RIPPLY3: variants seen among roughly 807,000 people sequenced by gnomAD.
RIPPLY3 encodes the protein protein ripply3.
RIPPLY3 carries 8 observed loss-of-function variants against 11.9 expected under a neutral mutation model. The observed-to-expected ratio is 0.67, with a 90% CI of 0.40 to 1.21. RIPPLY3 has a LOEUF of 1.21. RIPPLY3 is among the 50% of genes most tolerant of loss of function. RIPPLY3 has a pLI of 0.01. For synonymous variants in RIPPLY3, 102 were observed against 99.0 expected, an observed-to-expected ratio of 1.03 and a Z score of -0.18; for missense variants, 271 against 246.0, an observed-to-expected ratio of 1.10 and a Z score of -0.68.
At chr21:37,006,355 G>A (rs544965024), upstream of RIPPLY3, 66 of 157,450 alleles carry the variant, frequency 4.2e-4, no homozygotes, top group Admixed American at 4.0e-3. The surrounding 1 kb of genome is among the most constrained non-coding windows in gnomAD (Gnocchi z 5.2). Flanking sequence ...GCCCGAGCTC[G>A]TGGCCCCAAT....
At chr21:37,006,638 T>TC (rs2146770538), upstream of RIPPLY3, 1 of 461,064 alleles carries the variant, frequency 2.2e-6, no homozygotes, top group Non-Finnish European at 3.4e-6. This position sits in a 1 kb window ranked among gnomAD's most constrained non-coding sequence, Gnocchi z 5.2. Flanking sequence ...TCCTGCCCCC[T>TC]CCCAGCGCTT....
chr21:37,017,818 G>T, intron 3 of RIPPLY3, 56 bp from the exon 4 acceptor site: 3 of 1,456,806 alleles, frequency 2.1e-6, no homozygotes, highest in Non-Finnish European at 2.8e-6. Flanking sequence ...CCCTCTAGAA[G>T]CAATTTAGGA....
rs1425126386 is a variant in RIPPLY3 at position 37,013,628 on chromosome 21, G to A, written c.239+10G>A. The A allele has an allele frequency of 1.4e-5, 23 of 1,603,782 alleles. No individual in the cohort carries two copies. Among genetic ancestry groups the A allele is most frequent in the East Asian group, 1.1e-4 (5 of 44,764 alleles). On this transcript the variant is annotated intron_variant, in intron 3 of 3. Transcript: ENST00000329553. ...TTCAGCATCCTGTAAGGTAATATAC[G>A]ACTTCACAATAAGTAATCTGTAATT...
intron 2 of RIPPLY3, among the ~76,000 whole-genome samples, chr21:37,010,532 G>A (rs898281399): frequency 2.0e-5 from 3 of 152,124 alleles, no homozygotes; most frequent in Admixed American, 6.6e-5. Flanking sequence ...CAAGCAGAGG[G>A]AAGGCCTCAA....
At position 37,017,979 on chromosome 21, in the gene RIPPLY3, G is replaced by A; in HGVS notation, c.345G>A (p.Glu115=). The change falls in exon 4 of 4, where the codon GAG becomes GAA. Residue 115 remains glutamate, a synonymous_variant. Coordinates refer to ENST00000329553, the MANE Select transcript of RIPPLY3 (RefSeq NM_018962.3). ...VQATIDFYDD[E]STESASEAEE... Reference sequence around the variant, plus strand: ...CCACGATTGACTTCTACGACGATGAGTCTACTGAGTCTGCTTCCGAAGCTG... The same window carrying A: ...CCACGATTGACTTCTACGACGATGAATCTACTGAGTCTGCTTCCGAAGCTG... 6.2e-7 allele frequency: 1 copy of A among 1,614,204 alleles called. No homozygotes were observed. Among genetic ancestry groups the A allele is most frequent in the Non-Finnish European group, 8.5e-7 (1 of 1,180,036 alleles).
chr21:37,016,643 G>A (rs189254303), intron 3 of RIPPLY3, among the ~76,000 whole-genome samples: 6 of 152,200 alleles, frequency 3.9e-5, no homozygotes, highest in African/African-American at 1.4e-4. Context: ...ACCAGCCTGG[G>A]CAATATGGCG....
intron 1 of RIPPLY3, among the ~76,000 whole-genome samples, chr21:37,007,400 C>CTTTTTTTTTTTTTTTTTTTTT (rs895853940): frequency 7.0e-5 from 6 of 86,296 alleles, no homozygotes; most frequent in African/African-American, 3.0e-4. Flanking sequence ...AAGATTCCCT[C>CTTTTTTTTTTTTTTTTTTTTT]TTTTTTTTTT....
intron 2 of RIPPLY3, among the ~76,000 whole-genome samples, chr21:37,008,555 C>T (rs2080709276): frequency 6.6e-6 from 1 of 151,962 alleles, no homozygotes; most frequent in African/African-American, 2.4e-5. Flanking sequence ...GTCAGGAGTT[C>T]GTGACCAGCC....
chr21:37,009,773 G>A (rs908783829), intron 2 of RIPPLY3, among the ~76,000 whole-genome samples: 1 of 152,228 alleles, frequency 6.6e-6, no homozygotes, highest in South Asian at 2.1e-4. Context: ...GCAGAGAAAT[G>A]TTAAACGTTA....
At chr21:37,009,213 T>C (rs972797811) in intron 2 of RIPPLY3, among the ~76,000 whole-genome samples, 1 of 150,626 alleles carries the variant, frequency 6.6e-6, no homozygotes, top group Admixed American at 6.7e-5. Context: ...TTTTAAAATA[T>C]AAATTGATGA....
At chr21:37,013,417 G>A (rs929084614) in intron 2 of RIPPLY3, 134 bp from the exon 3 acceptor site, 27 of 615,494 alleles carry the variant, frequency 4.4e-5, no homozygotes, top group South Asian at 2.9e-4. Context: ...TACTGATAAG[G>A]TGTCTAAACT....
chr21:37,017,260 C>G (rs2069588813), intron 3 of RIPPLY3, among the ~76,000 whole-genome samples: 1 of 150,468 alleles, frequency 6.6e-6, no homozygotes, highest in Non-Finnish European at 1.5e-5. Flanking sequence ...CCAAATTTTA[C>G]ATACTTAAGC....
intron 3 of RIPPLY3, among the ~76,000 whole-genome samples, chr21:37,015,825 C>T (rs906473644): frequency 6.6e-6 from 1 of 151,466 alleles, no homozygotes; most frequent in African/African-American, 2.4e-5. Context: ...GCTTCCATCT[C>T]GGCCTCTGGA....
chr21:37,015,800 C>A (rs1222722653), intron 3 of RIPPLY3, among the ~76,000 whole-genome samples: 1 of 151,942 alleles, frequency 6.6e-6, no homozygotes, highest in Non-Finnish European at 1.5e-5. Context: ...CTCACTGCAG[C>A]CTCCACCTCC....
chr21:37,006,642 A>G (rs1346423996), upstream of RIPPLY3: 3 of 483,486 alleles, frequency 6.2e-6, no homozygotes, highest in African/African-American at 2.0e-5. This position sits in a 1 kb window ranked among gnomAD's most constrained non-coding sequence, Gnocchi z 5.2. Flanking sequence ...GCCCCCTCCC[A>G]GCGCTTGCCC....
intron 3 of RIPPLY3, among the ~76,000 whole-genome samples, chr21:37,017,132 G>T (rs1466835306): frequency 4.2e-5 from 6 of 142,400 alleles, no homozygotes; most frequent in African/African-American, 1.3e-4. Flanking sequence ...CAGCCTGGGT[G>T]AGAGAGTAAG....
In RIPPLY3 at chr21:37,018,436, A is replaced by G. The variant is rs951190062; in HGVS notation, c.*229A>G. ...CATGCCTTTGAGAAAGGATTCTAGG[A>G]GAAAGAGAAGGTCTATGTCAACAGA... On this transcript the variant is annotated 3_prime_UTR_variant, in exon 4 of 4. Transcript: ENST00000329553. The G allele has an allele frequency of 1.8e-6, 1 of 559,058 alleles. No individual in the cohort carries two copies. Among genetic ancestry groups the G allele is most frequent in the Non-Finnish European group, 3.2e-6 (1 of 312,782 alleles). 34.6% of individuals were successfully genotyped at this position (559,058 alleles called of 1,614,324 possible).
At position 37,018,009 on chromosome 21, in the gene RIPPLY3, G is replaced by A. The variant is rs767276314; in HGVS notation, c.375G>A (p.Glu125=). The change falls in exon 4 of 4, where the codon GAG becomes GAA. Residue 125 remains glutamate, a synonymous_variant. Transcript: ENST00000329553. Reference sequence around the variant, plus strand: ...CTGAGTCTGCTTCCGAAGCTGAAGAGCCAGAGGAAGGACCCCCACCCCTCC... The same window carrying A: ...CTGAGTCTGCTTCCGAAGCTGAAGAACCAGAGGAAGGACCCCCACCCCTCC... ...ESTESASEAE[E]PEEGPPPLHL... 1 of 1,614,150 alleles carries A rather than the reference G, an allele frequency of 6.2e-7. No individual in the cohort carries two copies. Among genetic ancestry groups the A allele is most frequent in the East Asian group, 2.2e-5 (1 of 44,886 alleles).
intron 3 of RIPPLY3, among the ~76,000 whole-genome samples, chr21:37,014,153 C>T (rs991486235): frequency 6.6e-6 from 1 of 151,964 alleles, no homozygotes; most frequent in Non-Finnish European, 1.5e-5. Flanking sequence ...CCCGTCTCTA[C>T]TAAAAATACA....
Sources: gnomAD v4.1 joint callset for allele counts (sites outside exome capture counted in the v4.1 genomes callset) on GRCh38, gnomAD v4.1.1 for gene constraint, Gnocchi (gnomAD v3.1) non-coding constraint, MANE v1.5 for transcripts, NCBI Gene and HGNC (gene_info 2026-07-23, HGNC 2026-07-21) for gene names.